FBXL17: variants seen among roughly 807,000 people sequenced by gnomAD.
FBXL17 encodes F-box and leucine rich repeat protein 17.
In FBXL17, 22 loss-of-function variants were observed where a neutral mutation model predicts 66.2. That is an observed-to-expected ratio of 0.33 (90% CI 0.24 to 0.47). The LOEUF is 0.47. FBXL17 is among the 20% of genes least tolerant of loss of function. The pLI is 1.00. For missense variants in FBXL17, 878 were observed against 948.2 expected, an observed-to-expected ratio of 0.93 and a Z score of 0.97; for synonymous variants, 474 against 400.5, an observed-to-expected ratio of 1.18 and a Z score of -2.19.
intron 5 of FBXL17, among the ~76,000 whole-genome samples, chr5:108,219,560 G>A (rs1422317077): frequency 2.6e-5 from 4 of 152,004 alleles, no homozygotes; most frequent in African/African-American, 4.8e-5. Flanking sequence ...GGTGGTGGGC[G>A]CCTGTAGTCC....
In FBXL17 at chr5:108,370,858, G is replaced by C. The variant is rs1013929101; in HGVS notation, c.994-2905C>G. Among the ~76,000 whole-genome samples, 73 of 151,978 alleles carry C rather than the reference G, an allele frequency of 4.8e-4. 3 individuals carry two copies. Among genetic ancestry groups the C allele is most frequent in the Non-Finnish European group, 4.4e-5 (3 of 68,008 alleles). On this transcript the variant is annotated intron_variant, in intron 1 of 8. Transcript: ENST00000542267. ...GCAGGCATTACAACTAAAATATCTG[G>C]ACAATATATTAAAAGCAATTGCCTC...
intron 6 of FBXL17, among the ~76,000 whole-genome samples, chr5:108,068,740 A>C (rs1051925326): frequency 3.9e-5 from 6 of 152,290 alleles, no homozygotes; most frequent in Admixed American, 1.3e-4. Context: ...TACAGGCGTG[A>C]GCCACTGCGC....
intron 7 of FBXL17, among the ~76,000 whole-genome samples, chr5:107,980,664 A>ATATATATTT: frequency 1.6e-5 from 1 of 62,106 alleles, no homozygotes; most frequent in African/African-American, 1.0e-4. Flanking sequence ...ATATATATAT[A>ATATATATTT]TTTTTTTTTT....
At chr5:108,064,573 T>C (rs1043943110) in intron 6 of FBXL17, among the ~76,000 whole-genome samples, 1 of 152,170 alleles carries the variant, frequency 6.6e-6, no homozygotes, top group Non-Finnish European at 1.5e-5. Context: ...CCAGAAATGA[T>C]TTTGCTCTTA....
chr5:108,005,997 C>T (rs940054081), intron 7 of FBXL17, among the ~76,000 whole-genome samples: 7 of 152,294 alleles, frequency 4.6e-5, no homozygotes, highest in African/African-American at 1.4e-4. Flanking sequence ...AGAAGCTGAC[C>T]GCCTGACACT....
At chr5:108,376,132 C>T (rs777266044) in intron 1 of FBXL17, among the ~76,000 whole-genome samples, 3 of 152,164 alleles carry the variant, frequency 2.0e-5, no homozygotes, top group Admixed American at 1.3e-4. Flanking sequence ...CTTCCTCAAC[C>T]TGAGAAAGAG....
At chr5:107,920,474 A>G (rs1750277208) in intron 7 of FBXL17, among the ~76,000 whole-genome samples, 1 of 152,182 alleles carries the variant, frequency 6.6e-6, no homozygotes, top group Non-Finnish European at 1.5e-5. Context: ...TTGTCATTTA[A>G]TCAGCAAAAT....
chr5:108,152,339 C>T (rs1751805517), intron 6 of FBXL17, among the ~76,000 whole-genome samples: 1 of 152,172 alleles, frequency 6.6e-6, no homozygotes, highest in African/African-American at 2.4e-5. Flanking sequence ...GGTGGAGTCC[C>T]CCACTTGGAA....
At chr5:108,362,451 T>C (rs757302185) in intron 3 of FBXL17, among the ~76,000 whole-genome samples, 1 of 152,126 alleles carries the variant, frequency 6.6e-6, no homozygotes, top group Non-Finnish European at 1.5e-5. Flanking sequence ...ATTAGGAAAA[T>C]TGAAACAGCC....
intron 4 of FBXL17, among the ~76,000 whole-genome samples, chr5:108,228,161 C>A (rs1755177766): frequency 6.6e-6 from 1 of 152,082 alleles, no homozygotes; most frequent in Non-Finnish European, 1.5e-5. Context: ...ATCAACAGAG[C>A]CCTGGAAAGC....
At chr5:108,362,222 C>T (rs1014795715) in intron 3 of FBXL17, among the ~76,000 whole-genome samples, 8 of 152,034 alleles carry the variant, frequency 5.3e-5, no homozygotes, top group African/African-American at 1.9e-4. Context: ...ACTAATGTAA[C>T]ATTTATTATT....
At chr5:108,157,559 C>A (rs1752043159) in intron 6 of FBXL17, among the ~76,000 whole-genome samples, 1 of 150,040 alleles carries the variant, frequency 6.7e-6, no homozygotes. Context: ...GCTCAATAAC[C>A]AGTGAAATGA....
rs1047781532 is a variant in FBXL17 at position 107,859,664 on chromosome 5, G to T, written c.*2056C>A. ...TCTGAAACCATTTGACAACCAAACT[G>T]TAACACTCCAAAGGTTATTACAACT... On this transcript the variant is annotated 3_prime_UTR_variant, in exon 9 of 9. Coordinates refer to ENST00000542267, the MANE Select transcript of FBXL17 (RefSeq NM_001163315.3). 3.4e-5 allele frequency: 5 copies of T among 148,126 alleles called. No individual in the cohort carries two copies. Among genetic ancestry groups the T allele is most frequent in the African/African-American group, 5.0e-5 (2 of 40,048 alleles). 9.2% of individuals were successfully genotyped at this position (148,126 alleles called of 1,614,324 possible). A position where few individuals can be genotyped will look rare whatever the true frequency, so the allele number is the denominator to read the frequency against.
intron 4 of FBXL17, among the ~76,000 whole-genome samples, chr5:108,249,701 A>G (rs1227809672): frequency 6.6e-6 from 1 of 152,140 alleles, no homozygotes; most frequent in Non-Finnish European, 1.5e-5. Flanking sequence ...CACTGCCCCA[A>G]ACAAGATGCT....
chr5:108,262,079 TTTATTTA>T (rs993801170), intron 4 of FBXL17, among the ~76,000 whole-genome samples: 5 of 119,080 alleles, frequency 4.2e-5, no homozygotes, highest in African/African-American at 1.4e-4. Context: ...TATTTATTTA[TTTATTTA>T]TTTTTTTTGA....
At chr5:108,025,727 G>GCGCACA (rs370886256) in intron 6 of FBXL17, among the ~76,000 whole-genome samples, 266 of 141,236 alleles carry the variant, frequency 1.9e-3, no homozygotes, top group African/African-American at 6.3e-3. Flanking sequence ...ACGCGCGCGC[G>GCGCACA]CACACACACA....
At chr5:107,912,322 G>C (rs1749975746) in intron 7 of FBXL17, among the ~76,000 whole-genome samples, 1 of 152,134 alleles carries the variant, frequency 6.6e-6, no homozygotes, top group African/African-American at 2.4e-5. Context: ...AGTAAGTCCA[G>C]AGCTGGGATT....
Position 108,042,866 on chromosome 5 carries a change from GA to G in FBXL17, c.1746-21866del, listed in dbSNP as rs564145011. On this transcript the variant is annotated intron_variant, in intron 6 of 8. Coordinates refer to ENST00000542267, the MANE Select transcript of FBXL17 (RefSeq NM_001163315.3). ...TTTAACACTTTAACAATATATGAGT[GA>G]TCCAGTTTCTTAACATCCTCAACAG... is the stretch of plus-strand genomic sequence containing the variant. Among the ~76,000 whole-genome samples, 361 of 152,246 alleles carry G rather than the reference GA, an allele frequency of 2.4e-3. 3 individuals carry two copies. The highest frequency in any genetic ancestry group is 0.013 in the South Asian group (64 of 4,818).
chr5:107,890,620 C>T (rs1297251982), intron 7 of FBXL17, among the ~76,000 whole-genome samples: 4 of 150,772 alleles, frequency 2.7e-5, no homozygotes, highest in Non-Finnish European at 5.9e-5. Flanking sequence ...GCCAAGATCA[C>T]ACCACTACAC....
Sources: gnomAD v4.1 joint callset for allele counts (sites outside exome capture counted in the v4.1 genomes callset) on GRCh38, gnomAD v4.1.1 for gene constraint, MANE v1.5 for transcripts, NCBI Gene and HGNC (gene_info 2026-07-23, HGNC 2026-07-21) for gene names.